Variants in MOB3B observed in about 807,000 individuals in gnomAD.
MOB3B encodes MOB kinase activator-like 2B.
MOB3B carries 7 observed loss-of-function variants against 18.7 expected under a neutral mutation model. The observed-to-expected ratio is 0.37, with a 90% CI of 0.21 to 0.70. The LOEUF (loss-of-function observed/expected upper bound fraction) is 0.70, where lower values mean the gene tolerates loss of function less well. Among genes scored for constraint, MOB3B ranks in the 30% least tolerant of loss-of-function variants. MOB3B has a pLI of 0.52. For missense variants in MOB3B, 253 were observed against 281.3 expected, an observed-to-expected ratio of 0.90 and a Z score of 0.72; for synonymous variants, 111 against 99.9, an observed-to-expected ratio of 1.11 and a Z score of -0.66.
At chr9:27,515,330 C>G (rs1034492576) in intron 1 of MOB3B, among the ~76,000 whole-genome samples, 1 of 152,146 alleles carries the variant, frequency 6.6e-6, no homozygotes, top group Non-Finnish European at 1.5e-5. Flanking sequence ...TGGATTTTAA[C>G]CCAAACCCTT....
chr9:27,360,195 CTGT>C (rs1821253461), intron 2 of MOB3B, among the ~76,000 whole-genome samples: 1 of 152,142 alleles, frequency 6.6e-6, no homozygotes, highest in Admixed American at 6.5e-5. Context: ...AAGGTAAGGT[CTGT>C]TGTTATAAGG....
intron 2 of MOB3B, among the ~76,000 whole-genome samples, chr9:27,440,567 G>A (rs1483640936): frequency 2.0e-5 from 3 of 152,090 alleles, no homozygotes; most frequent in Admixed American, 1.3e-4. Flanking sequence ...TGAATAACTG[G>A]TGGTGGTCCA....
At chr9:27,437,465 C>G (rs12235605) in intron 2 of MOB3B, among the ~76,000 whole-genome samples, 1 of 152,048 alleles carries the variant, frequency 6.6e-6, no homozygotes, top group Non-Finnish European at 1.5e-5. Context: ...GGACATTGTG[C>G]TAATCAAGGG....
At chr9:27,346,852 C>T (rs1587145172) in intron 3 of MOB3B, among the ~76,000 whole-genome samples, 2 of 152,004 alleles carry the variant, frequency 1.3e-5, no homozygotes, top group African/African-American at 4.8e-5. Flanking sequence ...AAAAATTAGC[C>T]AGTTGTGGTG....
intron 3 of MOB3B, among the ~76,000 whole-genome samples, chr9:27,335,427 C>T (rs747885842): frequency 2.0e-5 from 3 of 152,162 alleles, no homozygotes; most frequent in South Asian, 4.1e-4. Flanking sequence ...CACATTGATT[C>T]GAAAGAGGCA....
intron 2 of MOB3B, among the ~76,000 whole-genome samples, chr9:27,418,073 C>A (rs1390826118): frequency 1.0e-5 from 1 of 95,934 alleles, no homozygotes; most frequent in Non-Finnish European, 1.9e-5. Context: ...GCCTGGGAGA[C>A]AGGGTGAGAC....
Position 27,325,676 on chromosome 9 carries a change from A to C in MOB3B, c.*4911T>G, listed in dbSNP as rs1820700109. On this transcript the variant is annotated 3_prime_UTR_variant, in exon 4 of 4. Coordinates refer to ENST00000262244, the MANE Select transcript of MOB3B (RefSeq NM_024761.5). ...GAATCACCAATTTCTTCAAGGTCCAAAATGATCAGAACAAGAATGACAACA... is the reference window on the plus strand; with the variant it reads ...GAATCACCAATTTCTTCAAGGTCCACAATGATCAGAACAAGAATGACAACA... The C allele has an allele frequency of 6.6e-6, 1 of 152,204 alleles. No homozygotes were observed. The highest frequency in any genetic ancestry group is 1.5e-5 in the Non-Finnish European group (1 of 68,034). 9.4% of individuals were successfully genotyped at this position (152,204 alleles called of 1,614,324 possible).
At chr9:27,398,018 G>A (rs562250057) in intron 2 of MOB3B, among the ~76,000 whole-genome samples, 8 of 152,150 alleles carry the variant, frequency 5.3e-5, no homozygotes, top group Admixed American at 1.3e-4. Flanking sequence ...CAAGTCTCCC[G>A]TCTTTTGATA....
chr9:27,407,697 T>G (rs1822003352), intron 2 of MOB3B, among the ~76,000 whole-genome samples: 1 of 152,164 alleles, frequency 6.6e-6, no homozygotes, highest in South Asian at 2.1e-4. Context: ...TTCTTATCTC[T>G]TCTGCAGAAA....
At chr9:27,495,269 T>C (rs1191642249) in intron 1 of MOB3B, among the ~76,000 whole-genome samples, 2 of 152,072 alleles carry the variant, frequency 1.3e-5, no homozygotes, top group Admixed American at 6.5e-5. Context: ...AAGTCAAGGC[T>C]GCAGTAAGCC....
chr9:27,355,398 G>T (rs1821174027), intron 3 of MOB3B, among the ~76,000 whole-genome samples: 1 of 152,064 alleles, frequency 6.6e-6, no homozygotes, highest in Non-Finnish European at 1.5e-5. Context: ...TGCCCTTCTG[G>T]CCCCAGCTGC....
At chr9:27,387,943 C>G (rs940724807) in intron 2 of MOB3B, among the ~76,000 whole-genome samples, 4 of 151,644 alleles carry the variant, frequency 2.6e-5, no homozygotes, top group African/African-American at 9.7e-5. Flanking sequence ...AATGATTTTG[C>G]CCCCCACAGG....
At chr9:27,527,107 T>G (rs1255558736) in intron 1 of MOB3B, among the ~76,000 whole-genome samples, 1 of 152,256 alleles carries the variant, frequency 6.6e-6, no homozygotes, top group Non-Finnish European at 1.5e-5. Flanking sequence ...GTGATTTTTT[T>G]GGGAAGATTT....
rs559806304 is a variant in MOB3B at position 27,416,544 on chromosome 9, A to ATTTTTT, written c.418+38583_418+38588dup. Among the ~76,000 whole-genome samples the ATTTTTT allele has an allele frequency of 9.3e-3, 1,126 of 121,274 alleles. 73 individuals are homozygous for ATTTTTT. The highest frequency in any genetic ancestry group is 0.019 in the South Asian group (60 of 3,122). The allele number at this position is 121,274 out of a possible 152,430, so 79.6% of individuals were successfully genotyped here. On this transcript the variant is annotated intron_variant, in intron 2 of 3. Coordinates refer to ENST00000262244, the MANE Select transcript of MOB3B (RefSeq NM_024761.5). ...GAACCCCTGGAGTAATTTCTTTTTA[A>ATTTTTT]TTTTTTTTTTTTTTTTTTTTTTTTT...
chr9:27,333,111 G>T (rs985431916), intron 3 of MOB3B, among the ~76,000 whole-genome samples: 13 of 151,538 alleles, frequency 8.6e-5, no homozygotes, highest in African/African-American at 3.2e-4. Context: ...ATATGGCAGA[G>T]TTTTTTTTTA....
intron 1 of MOB3B, among the ~76,000 whole-genome samples, chr9:27,520,285 C>T (rs1241111500): frequency 6.6e-6 from 1 of 152,170 alleles, no homozygotes; most frequent in East Asian, 1.9e-4. Flanking sequence ...CCATAAACAA[C>T]AGAGCAGCCC....
chr9:27,489,739 A>ATTTTTTTTTTTTTTTTTTT (rs1554652743), intron 1 of MOB3B, among the ~76,000 whole-genome samples: 19 of 10,032 alleles, frequency 1.9e-3, no homozygotes, highest in Non-Finnish European at 4.3e-3. Context: ...TAAGGAAATA[A>ATTTTTTTTTTTTTTTTTTT]TCTTTTTTTT....
Position 27,327,665 on chromosome 9 carries a change from C to T in MOB3B, c.*2922G>A, listed in dbSNP as rs1478912454. 6.6e-6 allele frequency: 1 copy of T among 152,046 alleles called. No homozygotes were observed. The highest frequency in any genetic ancestry group is 6.6e-5 in the Admixed American group (1 of 15,254). The allele number at this position is 152,046 out of a possible 1,614,324, so 9.4% of individuals were successfully genotyped here. A position where few individuals can be genotyped will look rare whatever the true frequency, so the allele number is the denominator to read the frequency against. On this transcript the variant is annotated 3_prime_UTR_variant, in exon 4 of 4. Transcript: ENST00000262244. The stretch of plus-strand genomic sequence containing the variant: ...AGGAAACAAAAGAGAATGACAACTA[C>T]ATATAACGTATAATTCTTGATTGGA...
chr9:27,375,305 A>T (rs538960877), intron 2 of MOB3B, among the ~76,000 whole-genome samples: 59 of 152,348 alleles, frequency 3.9e-4, no homozygotes, highest in African/African-American at 1.3e-3. Flanking sequence ...ATAAATGTGC[A>T]GAAGGCACCA....
Sources: gnomAD v4.1 joint callset for allele counts (sites outside exome capture counted in the v4.1 genomes callset) on GRCh38, gnomAD v4.1.1 for gene constraint, MANE v1.5 for transcripts, NCBI Gene and HGNC (gene_info 2026-07-23, HGNC 2026-07-21) for gene names.